The following METTL16 variants were observed in gnomAD, a reference collection of about 807,000 sequenced individuals.
METTL16 encodes RNA N(6)-adenosine-methyltransferase METTL16.
METTL16 carries 19 observed loss-of-function variants against 57.9 expected under a neutral mutation model. The observed-to-expected ratio is 0.33, with a 90% confidence interval of 0.23 to 0.48. The LOEUF is 0.48. Among genes scored for constraint, METTL16 ranks in the 20% least tolerant of loss-of-function variants. The pLI is 0.99. For missense variants in METTL16, 434 were observed against 691.5 expected, an observed-to-expected ratio of 0.63 and a Z score of 4.18; for synonymous variants, 246 against 255.6, an observed-to-expected ratio of 0.96 and a Z score of 0.36.
At chr17:2,427,760 T>C (rs1206218998) in intron 8 of METTL16, among the ~76,000 whole-genome samples, 2 of 151,898 alleles carry the variant, frequency 1.3e-5, no homozygotes, top group Non-Finnish European at 2.9e-5. Flanking sequence ...GAATGGGAGA[T>C]ACAGATGGAC....
intron 6 of METTL16, among the ~76,000 whole-genome samples, chr17:2,462,468 T>C (rs1462650462): frequency 6.6e-6 from 1 of 152,174 alleles, no homozygotes; most frequent in Admixed American, 6.5e-5. Flanking sequence ...ACGGTTTGGA[T>C]TTGTGTCCCC....
intron 6 of METTL16, among the ~76,000 whole-genome samples, chr17:2,447,536 A>T: frequency 8.9e-6 from 1 of 112,470 alleles, no homozygotes; most frequent in Non-Finnish European, 1.7e-5. Context: ...GGAAGTGAGG[A>T]GCCCCTCTGC....
At chr17:2,445,555 G>A (rs1032480742) in intron 6 of METTL16, among the ~76,000 whole-genome samples, 1 of 152,192 alleles carries the variant, frequency 6.6e-6, no homozygotes, top group African/African-American at 2.4e-5. Context: ...GGAGGCTGAG[G>A]TGGGTGGATC....
At chr17:2,485,001 CCTGGGCCATGGACTGATA>C (rs940557966) in intron 2 of METTL16, among the ~76,000 whole-genome samples, 2 of 152,156 alleles carry the variant, frequency 1.3e-5, no homozygotes, top group African/African-American at 4.8e-5. Context: ...GTCCCCAACC[CCTGGGCCATGGACTGATA>C]TTGGTCCCTG....
intron 2 of METTL16, among the ~76,000 whole-genome samples, chr17:2,490,917 A>G (rs1251559508): frequency 6.6e-6 from 1 of 152,246 alleles, no homozygotes; most frequent in African/African-American, 2.4e-5. Context: ...ATCCTAAAAA[A>G]GTACAAGACA....
intron 6 of METTL16, among the ~76,000 whole-genome samples, chr17:2,447,926 AG>A (rs2067022457): frequency 9.8e-6 from 1 of 101,952 alleles, no homozygotes; most frequent in Non-Finnish European, 2.0e-5. Flanking sequence ...CCGCCCGGCC[AG>A]CCGCCCCGTC....
intron 6 of METTL16, among the ~76,000 whole-genome samples, chr17:2,456,130 G>A (rs904409007): frequency 7.9e-5 from 12 of 152,088 alleles, no homozygotes; most frequent in African/African-American, 2.9e-4. Flanking sequence ...ACTGGGAAAT[G>A]TTCCTTCATG....
In METTL16 at chr17:2,467,880, G is replaced by A; in HGVS notation, c.470-4C>T. 1 of 1,599,112 alleles carries A rather than the reference G, an allele frequency of 6.3e-7. No homozygotes were observed. Among genetic ancestry groups the A allele is most frequent in the Admixed American group, 1.7e-5 (1 of 59,830 alleles). ...GTCTTCTGTGGCACTTTCACCACTA[G>A]GAGAAAAAACAGGACTGTGAACTAA... On this transcript the variant is annotated splice_polypyrimidine_tract_variant and splice_region_variant and intron_variant, in intron 4 of 9. Coordinates refer to ENST00000263092, the MANE Select transcript of METTL16 (RefSeq NM_024086.4).
intron 2 of METTL16, among the ~76,000 whole-genome samples, chr17:2,482,795 C>T (rs1019682735): frequency 1.3e-5 from 2 of 152,100 alleles, no homozygotes; most frequent in African/African-American, 2.4e-5. Context: ...TGTGAGCCTG[C>T]GGTCCCCGCT....
At chr17:2,443,220 C>T (rs974670030) in intron 6 of METTL16, among the ~76,000 whole-genome samples, 3 of 151,994 alleles carry the variant, frequency 2.0e-5, no homozygotes, top group Non-Finnish European at 4.4e-5. Context: ...CTCAAACTCC[C>T]GCCTCAGCCT....
At chr17:2,478,151 C>T (rs951100657) in intron 2 of METTL16, among the ~76,000 whole-genome samples, 2 of 152,206 alleles carry the variant, frequency 1.3e-5, no homozygotes, top group Admixed American at 6.5e-5. Flanking sequence ...ATTCCTGTCT[C>T]GTCGTCTCCT....
intron 6 of METTL16, among the ~76,000 whole-genome samples, chr17:2,444,498 T>A (rs1339813261): frequency 1.3e-5 from 2 of 152,080 alleles, no homozygotes; most frequent in Non-Finnish European, 2.9e-5. Flanking sequence ...GTTGAAAAAT[T>A]CCTATTGCCT....
At chr17:2,433,134 T>G (rs76487540) in intron 8 of METTL16, among the ~76,000 whole-genome samples, 37 of 152,294 alleles carry the variant, frequency 2.4e-4, no homozygotes, top group African/African-American at 8.4e-4. Context: ...ATGTCCAGGT[T>G]CTATGGGCTG....
chr17:2,480,479 G>A (rs766558096), intron 2 of METTL16, among the ~76,000 whole-genome samples: 4 of 152,114 alleles, frequency 2.6e-5, no homozygotes, highest in Non-Finnish European at 5.9e-5. Context: ...GCCAGAGCCT[G>A]GAAGCAATGA....
intron 2 of METTL16, among the ~76,000 whole-genome samples, chr17:2,490,416 G>T (rs551665119): frequency 2.0e-5 from 3 of 152,248 alleles, no homozygotes; most frequent in Admixed American, 6.5e-5. Context: ...ACGAATGATT[G>T]TATGTAACTA....
chr17:2,477,654 G>A, intron 3 of METTL16, 32 bp downstream of exon 3: 1 of 1,528,872 alleles, frequency 6.5e-7, no homozygotes, highest in Non-Finnish European at 9.1e-7. Flanking sequence ...TATGAAAACT[G>A]TTTAGCCAAA....
chr17:2,474,005 G>A (rs1567898187), intron 3 of METTL16, among the ~76,000 whole-genome samples: 1 of 152,024 alleles, frequency 6.6e-6, no homozygotes, highest in Admixed American at 6.6e-5. Context: ...CTAGTCATTC[G>A]TGTATGTTAG....
chr17:2,435,388 C>A (rs66824199), intron 8 of METTL16, among the ~76,000 whole-genome samples: 41,823 of 151,918 alleles, frequency 0.28, 9,803 homozygotes, highest in African/African-American at 0.64. Flanking sequence ...CTTACCCCCA[C>A]CAGGAGCAAG....
chr17:2,461,502 G>A (rs893784001), intron 6 of METTL16, among the ~76,000 whole-genome samples: 3 of 152,026 alleles, frequency 2.0e-5, no homozygotes, highest in Non-Finnish European at 2.9e-5. Flanking sequence ...AGATTGAAAA[G>A]GTAGTAGTAG....
Sources: gnomAD v4.1 joint callset for allele counts (sites outside exome capture counted in the v4.1 genomes callset) on GRCh38, gnomAD v4.1.1 for gene constraint, MANE v1.5 for transcripts, NCBI Gene and HGNC (gene_info 2026-07-23, HGNC 2026-07-21) for gene names.